The following CNTN4 variants were observed in gnomAD, a reference collection of about 807,000 sequenced individuals.
CNTN4 encodes contactin 4.
CNTN4 carries 77 observed loss-of-function variants against 122.5 expected under a neutral mutation model. That is an observed-to-expected ratio of 0.63 (90% CI 0.52 to 0.76). CNTN4 has a LOEUF of 0.76. CNTN4 is among the 30% of genes least tolerant of loss of function. CNTN4 has a pLI of 0.00. For missense variants in CNTN4, 1,256 were observed against 1,259.1 expected (o/e 1.00, Z 0.04); for synonymous variants, 512 against 447.0 (o/e 1.15, Z -1.83).
intron 4 of CNTN4, among the ~76,000 whole-genome samples, chr3:2,657,369 G>A (rs1253883252): frequency 6.6e-6 from 1 of 152,178 alleles, no homozygotes; most frequent in African/African-American, 2.4e-5. Flanking sequence ...TCTCCAGTGG[G>A]TAATGGAACT....
intron 3 of CNTN4, among the ~76,000 whole-genome samples, chr3:2,528,912 C>A (rs1380343329): frequency 6.6e-6 from 1 of 151,986 alleles, no homozygotes; most frequent in Non-Finnish European, 1.5e-5. Context: ...GGTTAATGAG[C>A]ATATCCTGTC....
chr3:3,050,425 G>T (rs1425500407), intron 23 of CNTN4, among the ~76,000 whole-genome samples: 1 of 152,026 alleles, frequency 6.6e-6, no homozygotes, highest in African/African-American at 2.4e-5. Context: ...AAAGCAATTT[G>T]CCCAGAGCCC....
In CNTN4 at chr3:2,917,143, A is replaced by C. The variant is rs541182181; in HGVS notation, c.1208-8486A>C. ...GGCGAAACCCCGTCTCCACCAAAAA[A>C]TATAAAAACCAGTCAGGCGTGGCGG... On this transcript the variant is annotated intron_variant, in intron 12 of 24. Coordinates refer to ENST00000418658, the MANE Select transcript of CNTN4 (RefSeq NM_175607.3). 3.5e-5 allele frequency among the ~76,000 whole-genome samples: 5 copies of C among 143,084 alleles called. 1 individual carries two copies. The highest frequency in any genetic ancestry group is 1.4e-4 in the African/African-American group (5 of 36,236). 93.9% of individuals were successfully genotyped at this position (143,084 alleles called of 152,430 possible).
intron 12 of CNTN4, among the ~76,000 whole-genome samples, chr3:2,921,196 C>G (rs115676189): frequency 6.6e-6 from 1 of 152,198 alleles, no homozygotes; most frequent in Non-Finnish European, 1.5e-5. Flanking sequence ...CACCACTACA[C>G]CTGGCTAATG....
chr3:2,566,635 T>A (rs1356040784), intron 3 of CNTN4, among the ~76,000 whole-genome samples: 1 of 151,104 alleles, frequency 6.6e-6, no homozygotes, highest in Non-Finnish European at 1.5e-5. Flanking sequence ...AATCCAAGTT[T>A]AAATAAACGA....
chr3:2,993,788 T>C (rs1695271452), intron 14 of CNTN4, among the ~76,000 whole-genome samples: 1 of 152,228 alleles, frequency 6.6e-6, no homozygotes, highest in African/African-American at 2.4e-5. Context: ...ACACAACTTT[T>C]CTTGTACCCC....
At chr3:2,744,768 G>C (rs2149547617) in intron 5 of CNTN4, among the ~76,000 whole-genome samples, 1 of 152,284 alleles carries the variant, frequency 6.6e-6, no homozygotes, top group South Asian at 2.1e-4. Context: ...AAACTTCGCT[G>C]TTAAAATGTG....
chr3:2,219,027 G>C (rs2038960522), intron 2 of CNTN4, among the ~76,000 whole-genome samples: 1 of 152,140 alleles, frequency 6.6e-6, no homozygotes, highest in East Asian at 1.9e-4. Flanking sequence ...CTTCCCCCTA[G>C]GATTACAAAG....
intron 13 of CNTN4, among the ~76,000 whole-genome samples, chr3:2,971,120 G>A (rs370198985): frequency 4.3e-4 from 65 of 152,244 alleles, no homozygotes; most frequent in African/African-American, 1.5e-3. Flanking sequence ...AAAATAAAAT[G>A]TTATTAAGAA....
At chr3:2,899,040 T>G (rs1224552461) in intron 10 of CNTN4, among the ~76,000 whole-genome samples, 3 of 152,226 alleles carry the variant, frequency 2.0e-5, no homozygotes, top group Non-Finnish European at 4.4e-5. Flanking sequence ...GTTGACCCTT[T>G]TGGCCTCCCC....
chr3:2,504,610 A>G (rs943540610), intron 3 of CNTN4, among the ~76,000 whole-genome samples: 1 of 152,210 alleles, frequency 6.6e-6, no homozygotes, highest in African/African-American at 2.4e-5. Context: ...GTGAAATGCT[A>G]TTGGAGAAAA....
At chr3:2,213,171 T>C (rs2038694435) in intron 2 of CNTN4, among the ~76,000 whole-genome samples, 1 of 151,914 alleles carries the variant, frequency 6.6e-6, no homozygotes, top group Non-Finnish European at 1.5e-5. Context: ...GAGTTGAGAG[T>C]TTTAGTCAAG....
At chr3:2,665,936 C>G (rs2084133476) in intron 4 of CNTN4, among the ~76,000 whole-genome samples, 1 of 152,092 alleles carries the variant, frequency 6.6e-6, no homozygotes, top group African/African-American at 2.4e-5. Flanking sequence ...CTTGATTAGT[C>G]AAAGATTTTA....
At chr3:2,828,561 T>C (rs1328749907) in intron 7 of CNTN4, among the ~76,000 whole-genome samples, 1 of 152,150 alleles carries the variant, frequency 6.6e-6, no homozygotes, top group Admixed American at 6.5e-5. Context: ...CCTTTTATAA[T>C]ATAATTTCTA....
chr3:2,584,917 G>A (rs148502469), intron 4 of CNTN4, among the ~76,000 whole-genome samples: 29 of 151,148 alleles, frequency 1.9e-4, no homozygotes, highest in African/African-American at 6.8e-4. Context: ...AGGTAGGTAG[G>A]TAGATAGATA....
chr3:2,826,722 A>G (rs2092995922), intron 7 of CNTN4, among the ~76,000 whole-genome samples: 1 of 152,202 alleles, frequency 6.6e-6, no homozygotes, highest in South Asian at 2.1e-4. Context: ...CTATGCTGAC[A>G]GGTCACTGAG....
chr3:2,695,343 C>T lies in CNTN4; in HGVS notation c.56-40872C>T, dbSNP rs77543867. On this transcript the variant is annotated intron_variant, in intron 4 of 24. Coordinates refer to ENST00000418658, the MANE Select transcript of CNTN4 (RefSeq NM_175607.3). ...CCAGCCCTATTTCTGTCACTGGAGC[C>T]TCCAGAACCAAGTAAACCCCTCTTA... 9.3e-4 allele frequency among the ~76,000 whole-genome samples: 142 copies of T among 152,306 alleles called. No homozygotes were observed. The East Asian group carries it at 0.026, about 27-fold the overall frequency.
intron 6 of CNTN4, among the ~76,000 whole-genome samples, chr3:2,757,097 C>T (rs2090373131): frequency 6.6e-6 from 1 of 152,120 alleles, no homozygotes; most frequent in Admixed American, 6.5e-5. Context: ...AAGAAATGGC[C>T]TCTATCAAAT....
At chr3:2,853,553 A>AT (rs200558270) in intron 7 of CNTN4, among the ~76,000 whole-genome samples, 1,868 of 151,822 alleles carry the variant, frequency 0.012, 48 homozygotes, top group African/African-American at 0.042. Flanking sequence ...TAATTTATTG[A>AT]TTTTTTTTCA....
Sources: allele counts gnomAD v4.1 joint callset (sites outside exome capture counted in the v4.1 genomes callset), GRCh38; gene constraint gnomAD v4.1.1; transcripts MANE v1.5; gene names NCBI Gene and HGNC (gene_info 2026-07-23, HGNC 2026-07-21).